The following PRRT4 variants were observed in gnomAD, a reference collection of about 807,000 sequenced individuals.
PRRT4 encodes the protein proline-rich transmembrane protein 4.
Under a neutral mutation model 55.6 loss-of-function variants are expected in PRRT4, and 59 were observed. The ratio of observed to expected loss-of-function variants is 1.06; its 90% confidence interval spans 0.86 to 1.32. The LOEUF is 1.32. PRRT4 is among the 40% of genes most tolerant of loss of function. PRRT4 has a pLI of 0.00. For missense variants in PRRT4, 1,217 were observed against 1,222.0 expected (o/e 1.00, Z 0.06); for synonymous variants, 606 against 601.8 (o/e 1.01, Z -0.10).
chr7:128,359,184 G>T, exon 3 of PRRT4: 5 of 1,551,778 alleles, frequency 3.2e-6, no homozygotes, highest in Non-Finnish European at 3.5e-6. Flanking sequence ...AGAGCTTGTG[G>T]ATGTAGTTTC....
intron 4 of PRRT4, among the ~76,000 whole-genome samples, chr7:128,353,131 T>G (rs1253115996): frequency 1.3e-5 from 2 of 152,132 alleles, no homozygotes; most frequent in Non-Finnish European, 2.9e-5. Context: ...GTCACACAGT[T>G]GGAATTTAGC....
rs1257412953 is a variant in PRRT4, at chr7:128,358,284, C to G, written c.877+397G>C. Among the ~76,000 whole-genome samples, 1 of 152,298 alleles carries G rather than the reference C, an allele frequency of 6.6e-6. No individual in the cohort carries two copies. Among genetic ancestry groups the G allele is most frequent in the East Asian group, 1.9e-4 (1 of 5,182 alleles). On this transcript the variant is annotated intron_variant, in intron 4 of 4. Coordinates refer to ENST00000535159, the Ensembl canonical transcript of PRRT4. This position sits in a 1 kb window ranked among gnomAD's most constrained non-coding sequence, Gnocchi z 4.4. Reference sequence around the variant, plus strand: ...GAAACCCAGCTCTTCCCATATCTGACAGCATGTCATGTCAGATCAGATGGC... The same window carrying G: ...GAAACCCAGCTCTTCCCATATCTGAGAGCATGTCATGTCAGATCAGATGGC...
exon 5 of PRRT4, chr7:128,351,433 G>A (rs1380501904): frequency 8.5e-6 from 13 of 1,527,034 alleles, no homozygotes; most frequent in Non-Finnish European, 9.7e-6. Flanking sequence ...AGAGGAAGCC[G>A]GGGACGGGGC....
chr7:128,359,746 GC>G lies in PRRT4; in HGVS notation c.245del (p.Gly82AlafsTer12). The G allele has an allele frequency of 6.4e-7, 1 of 1,551,224 alleles. No individual in the cohort carries two copies. The highest frequency in any genetic ancestry group is 8.7e-7 in the Non-Finnish European group (1 of 1,146,742). Reference sequence around the variant, plus strand: ...TGGCCACCTCTTCCCCTGGCTCCTGGCCTGGCCCAAGAGAGAGTGGCTGGGT... The same window carrying G: ...TGGCCACCTCTTCCCCTGGCTCCTGGCTGGCCCAAGAGAGAGTGGCTGGGT... On this transcript the variant is annotated frameshift_variant, in exon 2 of 5. Coordinates refer to ENST00000535159, the Ensembl canonical transcript of PRRT4. LOFTEE classifies it high-confidence loss of function.
At chr7:128,359,213 G>A (rs1036740022) in exon 3 of PRRT4, 55 of 1,551,636 alleles carry the variant, frequency 3.5e-5, no homozygotes, top group East Asian at 3.2e-4. Flanking sequence ...GGCTCAGGCC[G>A]GAGAAGTTCC....
chr7:128,355,308 C>T (rs1797090177), intron 4 of PRRT4, among the ~76,000 whole-genome samples: 1 of 152,184 alleles, frequency 6.6e-6, no homozygotes, highest in Non-Finnish European at 1.5e-5. Context: ...AGTGATTCTC[C>T]TGCCTCAGCC....
chr7:128,359,984 C>T lies in PRRT4; in HGVS notation c.8G>A (p.Arg3Lys), dbSNP rs1165726187. 2 of 1,319,844 alleles carry T rather than the reference C, an allele frequency of 1.5e-6. No homozygotes were observed. Among genetic ancestry groups the T allele is most frequent in the Non-Finnish European group, 9.7e-7 (1 of 1,025,860 alleles). 81.8% of individuals were successfully genotyped at this position (1,319,844 alleles called of 1,614,324 possible). The change falls in exon 2 of 5, where the codon AGG becomes AAG. Residue 3 changes from arginine (R) to lysine (K), a missense_variant. Coordinates refer to ENST00000535159, the Ensembl canonical transcript of PRRT4. ...CAGTCCCAGCCCTAGACAGCCATGC[C>T]TGGCCATGGCCCCACCTGGCTTCGG...
At chr7:128,351,708 C>T (rs1242180512) in exon 5 of PRRT4, 4 of 1,491,606 alleles carry the variant, frequency 2.7e-6, no homozygotes, top group Non-Finnish European at 3.5e-6. Context: ...GGCCCAGCAG[C>T]GCCAACGGGA....
intron 4 of PRRT4, among the ~76,000 whole-genome samples, chr7:128,357,256 T>A (rs1324972355): frequency 1.5e-4 from 23 of 149,386 alleles, no homozygotes; most frequent in Non-Finnish European, 2.7e-4. Flanking sequence ...TCTCTCTCTC[T>A]CTCTCTCTCT....
rs974286527 is a variant in PRRT4 at position 128,358,345 on chromosome 7, TCAGG to T, written c.877+332_877+335del. Reference sequence around the variant, plus strand: ...GCCCCAAGGTTGGTGGGGAGTCAGGTCAGGCAGACTGGAGTGGAGGGTGGGGTTA... The same window carrying T: ...GCCCCAAGGTTGGTGGGGAGTCAGGTCAGACTGGAGTGGAGGGTGGGGTTA... On this transcript the variant is annotated intron_variant, in intron 4 of 4. Coordinates refer to ENST00000535159, the Ensembl canonical transcript of PRRT4. This position sits in a 1 kb window ranked among gnomAD's most constrained non-coding sequence, Gnocchi z 4.4. Among the ~76,000 whole-genome samples the T allele has an allele frequency of 6.6e-6, 1 of 152,170 alleles. No individual in the cohort carries two copies. Among genetic ancestry groups the T allele is most frequent in the African/African-American group, 2.4e-5 (1 of 41,440 alleles).
downstream of PRRT4, chr7:128,350,789 G>A (rs1325575150): frequency 1.3e-6 from 2 of 1,529,890 alleles, no homozygotes; most frequent in Non-Finnish European, 1.8e-6. Context: ...GGATTACAGT[G>A]TGCAGGTCTC....
chr7:128,351,943 G>T, exon 5 of PRRT4: 1 of 1,294,496 alleles, frequency 7.7e-7, no homozygotes, highest in Non-Finnish European at 9.7e-7. Context: ...CAGGGGTGTG[G>T]CGCCCTTGAA....
At chr7:128,360,963 C>T (rs1426349043) in intron 1 of PRRT4, among the ~76,000 whole-genome samples, 1 of 151,770 alleles carries the variant, frequency 6.6e-6, no homozygotes, top group Admixed American at 6.6e-5. Flanking sequence ...CGTCACATAC[C>T]CCCCTGCCCC....
In PRRT4 at chr7:128,358,748, G is replaced by A. The variant is rs1387935073; in HGVS notation, c.810C>T (p.Leu270=). 6.4e-7 allele frequency: 1 copy of A among 1,551,710 alleles called. No individual in the cohort carries two copies. Among genetic ancestry groups the A allele is most frequent in the Non-Finnish European group, 8.7e-7 (1 of 1,146,978 alleles). The change falls in exon 4 of 5, where the codon CTC becomes CTT. Residue 270 remains leucine, a synonymous_variant. Transcript: ENST00000535159. The surrounding 1 kb of genome is among the most constrained non-coding windows in gnomAD (Gnocchi z 4.4). ...CTGGGTCCAGAGGACTTGGGCTGGA[G>A]AGCTTCCTCTCCAGGGAGTATGGGG... is the stretch of plus-strand genomic sequence containing the variant.
intron 4 of PRRT4, among the ~76,000 whole-genome samples, chr7:128,355,270 T>G (rs1797089680): frequency 6.6e-6 from 1 of 152,224 alleles, no homozygotes; most frequent in South Asian, 2.1e-4. Flanking sequence ...TGATCTCAGC[T>G]CACTGCAACC....
At chr7:128,353,462 C>A (rs900491185) in intron 4 of PRRT4, among the ~76,000 whole-genome samples, 7 of 152,120 alleles carry the variant, frequency 4.6e-5, no homozygotes, top group Admixed American at 4.6e-4. Flanking sequence ...TACACGCACA[C>A]ACACACACAC....
At position 128,358,323 on chromosome 7, in the gene PRRT4, C is replaced by G. The variant is rs903086043; in HGVS notation, c.877+358G>C. 1.8e-4 allele frequency among the ~76,000 whole-genome samples: 27 copies of G among 152,206 alleles called. No homozygotes were observed. The highest frequency in any genetic ancestry group is 1.2e-3 in the Admixed American group (18 of 15,288). On this transcript the variant is annotated intron_variant, in intron 4 of 4. Transcript: ENST00000535159. The surrounding 1 kb of genome is among the most constrained non-coding windows in gnomAD (Gnocchi z 4.4). ...AGATCAGATGGCAAAGGAAAGAGCC[C>G]CAAGGTTGGTGGGGAGTCAGGTCAG...
intron 4 of PRRT4, among the ~76,000 whole-genome samples, chr7:128,356,544 A>C (rs1483431655): frequency 6.6e-6 from 1 of 152,228 alleles, no homozygotes; most frequent in Non-Finnish European, 1.5e-5. Context: ...GAAGATAGTC[A>C]TCTCTGTTCC....
At chr7:128,355,309 T>C (rs890363650) in intron 4 of PRRT4, among the ~76,000 whole-genome samples, 6 of 152,190 alleles carry the variant, frequency 3.9e-5, no homozygotes, top group African/African-American at 1.4e-4. Flanking sequence ...GTGATTCTCC[T>C]GCCTCAGCCT....
Sources: allele counts gnomAD v4.1 joint callset (sites outside exome capture counted in the v4.1 genomes callset), GRCh38; gene constraint gnomAD v4.1.1; non-coding constraint Gnocchi (gnomAD v3.1); transcripts MANE v1.5; gene names NCBI Gene and HGNC (gene_info 2026-07-23, HGNC 2026-07-21).